Variants in HNRNPDL observed in about 807,000 individuals in gnomAD.
HNRNPDL encodes heterogeneous nuclear ribonucleoprotein D-like.
In HNRNPDL, 18 loss-of-function variants were observed where a neutral mutation model predicts 48.0. The observed-to-expected ratio is 0.38, with a 90% CI of 0.26 to 0.56. The LOEUF (loss-of-function observed/expected upper bound fraction) is 0.56. Among genes scored for constraint, HNRNPDL ranks in the 20% least tolerant of loss-of-function variants. HNRNPDL has a pLI of 0.77. For missense variants in HNRNPDL, 553 were observed against 540.7 expected, an observed-to-expected ratio of 1.02 and a Z score of -0.23; for synonymous variants, 306 against 207.3, an observed-to-expected ratio of 1.48 and a Z score of -4.09.
Position 82,426,502 on chromosome 4 carries a change from C to T in HNRNPDL, c.1153G>A (p.Gly385Arg). ...GGYDYTGYNY[G>R]NYGYGQGYAD... The stretch of plus-strand genomic sequence containing the variant: ...TATCCCTGTCCATATCCATAGTTCC[C>T]ATAGTTATACCCAGTATAATCATAT... The change falls in exon 6 of 8, where the codon GGG becomes AGG. Residue 385 changes from glycine to arginine, a missense_variant. By Grantham distance (125) the Gly-to-Arg change is moderately radical. Around this residue, in one of 4 missense-constraint regions of HNRNPDL, gnomAD observed 174 missense variants for 204.6 expected, o/e 0.85. Coordinates refer to ENST00000295470, the MANE Select transcript of HNRNPDL (RefSeq NM_031372.4). 1 of 1,612,760 alleles carries T rather than the reference C, an allele frequency of 6.2e-7. No homozygotes were observed. Among genetic ancestry groups the T allele is most frequent in the Non-Finnish European group, 8.5e-7 (1 of 1,178,934 alleles).
At chr4:82,429,178 G>A (rs1578085982) in intron 1 of HNRNPDL, 70 bp downstream of exon 1, 1 of 1,397,640 alleles carries the variant, frequency 7.2e-7, no homozygotes, top group Admixed American at 1.7e-5. Context: ...GGCAGCGCGC[G>A]GCTCACGAGG....
chr4:82,426,484 G>C lies in HNRNPDL; in HGVS notation c.1171C>G (p.Gln391Glu). Residue 391 changes from glutamine (Q) to glutamate (E), a missense_variant, in exon 6 of 8, where the codon CAG becomes GAG. By Grantham distance (29) the Gln-to-Glu change is conservative (BLOSUM62 2). Coordinates refer to ENST00000295470, the MANE Select transcript of HNRNPDL (RefSeq NM_031372.4). Reference protein sequence around the residue: ...GYNYGNYGYGQGYADYSGQQS... With the variant: ...GYNYGNYGYGEGYADYSGQQS... ...TTACCACTGTAGTCTGCATATCCCT[G>C]TCCATATCCATAGTTCCCATAGTTA... The C allele has an allele frequency of 6.2e-7, 1 of 1,611,964 alleles. No homozygotes were observed. Among genetic ancestry groups the C allele is most frequent in the South Asian group, 1.1e-5 (1 of 91,032 alleles).
Position 82,429,635 on chromosome 4 carries a change from GGAGC to G in HNRNPDL, c.52_55del (p.Ala18ProfsTer4). ...GAGGCTGCGGGAGGCTAAAGTAGCG[GGAGC>G]GGAGGGGAACAATGGCGGCGGCACA... On this transcript the variant is annotated frameshift_variant, in exon 1 of 8. Transcript: ENST00000295470. LOFTEE classifies it high-confidence loss of function. 2 of 1,373,200 alleles carry G rather than the reference GGAGC, an allele frequency of 1.5e-6. No individual in the cohort carries two copies. The highest frequency in any genetic ancestry group is 3.5e-5 in the South Asian group (2 of 56,978). 85.1% of individuals were successfully genotyped at this position (1,373,200 alleles called of 1,614,324 possible). A position where few individuals can be genotyped will look rare whatever the true frequency, so the allele number is the denominator to read the frequency against.
chr4:82,429,543 C>A lies in HNRNPDL; in HGVS notation c.148G>T (p.Ala50Ser). The A allele has an allele frequency of 6.8e-7, 1 of 1,474,980 alleles. No homozygotes were observed. Among genetic ancestry groups the A allele is most frequent in the Non-Finnish European group, 9.0e-7 (1 of 1,116,418 alleles). 91.4% of individuals were successfully genotyped at this position (1,474,980 alleles called of 1,614,324 possible). ...PLLPSLAPSS[A>S]RQGARRAQRH... ...TGGGCCCGGCGCGCCCCCTGCCGGG[C>A]GGAGCTGGGAGCGAGCGAAGGGAGG... is the stretch of plus-strand genomic sequence containing the variant. Residue 50 changes from alanine (A) to serine (S), a missense_variant, in exon 1 of 8, where the codon GCC becomes TCC. By Grantham distance (99) the Ala-to-Ser change is moderately conservative (BLOSUM62 1). Transcript: ENST00000295470.
At position 82,429,590 on chromosome 4, in the gene HNRNPDL, G is replaced by T; in HGVS notation, c.101C>A (p.Pro34Gln). Residue 34 changes from proline to glutamine, a missense_variant, in exon 1 of 8, where the codon CCG (proline) becomes CAG (glutamine). Physicochemically the swap from Pro to Gln is moderately conservative, Grantham distance 76. Coordinates refer to ENST00000295470, the MANE Select transcript of HNRNPDL (RefSeq NM_031372.4). ...SRSLSHWRPR[P>Q]PRQLAPLLPS... is the part of the protein sequence containing the mutation. Reference sequence around the variant, plus strand: ...GAGGAGCGGGGCTAGCTGCCGCGGCGGCCGCGGCCGCCAATGGGAGAGGCT... The same window carrying T: ...GAGGAGCGGGGCTAGCTGCCGCGGCTGCCGCGGCCGCCAATGGGAGAGGCT... 1 of 1,378,284 alleles carries T rather than the reference G, an allele frequency of 7.3e-7. No individual in the cohort carries two copies. Among genetic ancestry groups the T allele is most frequent in the Non-Finnish European group, 9.3e-7 (1 of 1,070,176 alleles). 85.4% of individuals were successfully genotyped at this position (1,378,284 alleles called of 1,614,324 possible).
At position 82,425,205 on chromosome 4, in the gene HNRNPDL, A is replaced by G. The variant is rs910080090; in HGVS notation, c.*23-322T>C. On this transcript the variant is annotated intron_variant, in intron 7 of 7. Transcript: ENST00000295470. ...ATGCTATCACAAACACCAATTTCTAATAAGTTTATTACAAGAACATAAATT... is the reference window on the plus strand; with the variant it reads ...ATGCTATCACAAACACCAATTTCTAGTAAGTTTATTACAAGAACATAAATT... 7 of 152,340 alleles carry G rather than the reference A, an allele frequency of 4.6e-5. No individual in the cohort carries two copies. In the East Asian group the frequency reaches 7.7e-4, roughly 17 times the overall value. The allele number at this position is 152,340 out of a possible 1,614,324, so 9.4% of individuals were successfully genotyped here. A position where few individuals can be genotyped will look rare whatever the true frequency, so the allele number is the denominator to read the frequency against.
In HNRNPDL at chr4:82,429,614, C is replaced by T; in HGVS notation, c.77G>A (p.Ser26Asn). 7.3e-7 allele frequency: 1 copy of T among 1,377,686 alleles called. No homozygotes were observed. Among genetic ancestry groups the T allele is most frequent in the Non-Finnish European group, 9.4e-7 (1 of 1,068,068 alleles). 85.3% of individuals were successfully genotyped at this position (1,377,686 alleles called of 1,614,324 possible). A position where few individuals can be genotyped will look rare whatever the true frequency, so the allele number is the denominator to read the frequency against. The change falls in exon 1 of 8, where the codon AGC becomes AAC. Residue 26 changes from serine (S) to asparagine (N), a missense_variant. Ser to Asn is a conservative substitution (Grantham distance 46). This residue lies in a region of HNRNPDL where 327 missense variants were observed against 203.2 expected (regional missense o/e 1.61). Coordinates refer to ENST00000295470, the MANE Select transcript of HNRNPDL (RefSeq NM_031372.4). Reference sequence around the variant, plus strand: ...CGGCCGCGGCCGCCAATGGGAGAGGCTGCGGGAGGCTAAAGTAGCGGGAGC... The same window carrying T: ...CGGCCGCGGCCGCCAATGGGAGAGGTTGCGGGAGGCTAAAGTAGCGGGAGC... ...PSAPATLASR[S>N]LSHWRPRPPR...
At position 82,429,460 on chromosome 4, in the gene HNRNPDL, T is replaced by C; in HGVS notation, c.231A>G (p.Gly77=). 2.5e-6 allele frequency: 4 copies of C among 1,601,182 alleles called. No homozygotes were observed. The highest frequency in any genetic ancestry group is 3.4e-6 in the Non-Finnish European group (4 of 1,174,056). Residue 77 remains glycine, a synonymous_variant, in exon 1 of 8, where the codon GGA becomes GGG. Coordinates refer to ENST00000295470, the MANE Select transcript of HNRNPDL (RefSeq NM_031372.4). ...AGAGATCCGGGCGCCGCCTGCGCCC[T>C]CCCTTTATAGCCGCCCCGCCCGCCA... is the stretch of plus-strand genomic sequence containing the variant. ...SRLAGGAAIK[G]GRRRRPDLFR...
In HNRNPDL at chr4:82,428,338, G is replaced by A. The variant is rs757774444; in HGVS notation, c.552C>T (p.Val184=). 3.7e-6 allele frequency: 6 copies of A among 1,613,828 alleles called. No homozygotes were observed. Among genetic ancestry groups the A allele is most frequent in the Non-Finnish European group, 5.1e-6 (6 of 1,179,866 alleles). ...ATCCAAATCCTCTTGATCTCCCAGT[G>A]ACTGGATCTGTTTTAATTGTGCAGT... ...VVDCTIKTDP[V]TGRSRGFGFV... is the part of the protein sequence containing the mutation. The change falls in exon 2 of 8, where the codon GTC becomes GTT. Residue 184 remains valine (V), a synonymous_variant. Transcript: ENST00000295470.
chr4:82,426,207 C>T, intron 6 of HNRNPDL, 78 bp from the exon 7 acceptor site: 2 of 1,240,708 alleles, frequency 1.6e-6, no homozygotes, highest in Non-Finnish European at 2.4e-6. Flanking sequence ...ATTAAATCTA[C>T]AAATCTTTGC....
In HNRNPDL at chr4:82,423,722, C is replaced by G. The variant is rs1320528828; in HGVS notation, c.*1184G>C. On this transcript the variant is annotated 3_prime_UTR_variant, in exon 8 of 8. Coordinates refer to ENST00000295470, the MANE Select transcript of HNRNPDL (RefSeq NM_031372.4). ...TTTATTATTCCAGGTCCTCTGAAAC[C>G]TGGATATAAAACGGATTCTTTTCAA... The G allele has an allele frequency of 6.6e-6, 1 of 152,166 alleles. No homozygotes were observed. Among genetic ancestry groups the G allele is most frequent in the Non-Finnish European group, 1.5e-5 (1 of 68,034 alleles). 9.4% of individuals were successfully genotyped at this position (152,166 alleles called of 1,614,324 possible).
chr4:82,424,608 T>C lies in HNRNPDL; in HGVS notation c.*298A>G, dbSNP rs1470232397. 1.3e-5 allele frequency: 2 copies of C among 152,794 alleles called. No homozygotes were observed. Among genetic ancestry groups the C allele is most frequent in the East Asian group, 3.9e-4 (2 of 5,192 alleles). 9.5% of individuals were successfully genotyped at this position (152,794 alleles called of 1,614,324 possible). A position where few individuals can be genotyped will look rare whatever the true frequency, so the allele number is the denominator to read the frequency against. ...TTACATTTTTTACAGAGCTATGTAGTACCTGACGCAGAAAAGCAATCACAT... is the reference window on the plus strand; with the variant it reads ...TTACATTTTTTACAGAGCTATGTAGCACCTGACGCAGAAAAGCAATCACAT... On this transcript the variant is annotated 3_prime_UTR_variant, in exon 8 of 8. Transcript: ENST00000295470.
At position 82,428,404 on chromosome 4, in the gene HNRNPDL, T is replaced by C; in HGVS notation, c.486A>G (p.Lys162=). 6.2e-7 allele frequency: 1 copy of C among 1,612,244 alleles called. No individual in the cohort carries two copies. The highest frequency in any genetic ancestry group is 8.5e-7 in the Non-Finnish European group (1 of 1,178,484). Residue 162 remains lysine, a synonymous_variant, in exon 2 of 8, where the codon AAA becomes AAG. Coordinates refer to ENST00000295470, the MANE Select transcript of HNRNPDL (RefSeq NM_031372.4). The part of the protein sequence containing the change: ...IGGLSWDTSK[K]DLTEYLSRFG... ...ATCGAGACAAGTACTCTGTCAGATC[T>C]TTTTTGCTTGTATCCCAGCTCAAGC...
chr4:82,425,188 A>G lies in HNRNPDL; in HGVS notation c.*23-305T>C, dbSNP rs539661739. The G allele has an allele frequency of 5.9e-5, 9 of 152,352 alleles. No homozygotes were observed. In the South Asian group the frequency reaches 1.7e-3, roughly 28 times the overall value. 9.4% of individuals were successfully genotyped at this position (152,352 alleles called of 1,614,324 possible). On this transcript the variant is annotated intron_variant, in intron 7 of 7. Transcript: ENST00000295470. ...CTAGTAACCCAAGTAAAATGCTATC[A>G]CAAACACCAATTTCTAATAAGTTTA... is the stretch of plus-strand genomic sequence containing the variant.
rs1037592355 is a variant in HNRNPDL, at chr4:82,429,403, T to C, written c.288A>G (p.Gln96=). The C allele has an allele frequency of 1.9e-6, 3 of 1,612,778 alleles. No individual in the cohort carries two copies. Among genetic ancestry groups the C allele is most frequent in the Non-Finnish European group, 2.5e-6 (3 of 1,179,638 alleles). The stretch of plus-strand genomic sequence containing the variant: ...TCGCGGCAGCAGCGGCGGCGGAGCG[T>C]TGTATGGAGCTGGATTTAAAATGGC... ...FRRHFKSSSI[Q]RSAAAAAATR... is the part of the protein sequence containing the mutation. The change falls in exon 1 of 8, where the codon CAA becomes CAG. Residue 96 remains glutamine, a synonymous_variant. Transcript: ENST00000295470.
intron 1 of HNRNPDL, 23 bp downstream of exon 1, chr4:82,429,225 G>C: frequency 2.5e-6 from 4 of 1,608,526 alleles, no homozygotes; most frequent in Non-Finnish European, 3.4e-6. Context: ...GGGAGGGGGA[G>C]CGGGGGAAGA....
chr4:82,425,172 C>G (rs1214762019), intron 7 of HNRNPDL: 1 of 152,130 alleles, frequency 6.6e-6, no homozygotes, highest in African/African-American at 2.4e-5. Context: ...TCTAGTAACC[C>G]AAGTAAAATG....
At chr4:82,426,719 C>A (rs1721426790) in intron 5 of HNRNPDL, 86 bp from the exon 6 acceptor site, 1 of 1,134,510 alleles carries the variant, frequency 8.8e-7, no homozygotes, top group Non-Finnish European at 1.3e-6. Context: ...TCTCACTCTG[C>A]AAATCTTAAA....
Position 82,428,168 on chromosome 4 carries a change from C to T in HNRNPDL, c.624G>A (p.Leu208=). 1 of 1,614,020 alleles carries T rather than the reference C, an allele frequency of 6.2e-7. No individual in the cohort carries two copies. ...DAASVDKVLE[L]KEHKLDGKLI... is the part of the protein sequence containing the mutation. ...ATTTGCCATCCAGTTTGTGTTCTTTCAGTTCCAAAACCTACAAGACAGATT... is the reference window on the plus strand; with the variant it reads ...ATTTGCCATCCAGTTTGTGTTCTTTTAGTTCCAAAACCTACAAGACAGATT... The change falls in exon 3 of 8, where the codon CTG becomes CTA. Residue 208 remains leucine, a synonymous_variant. Coordinates refer to ENST00000295470, the MANE Select transcript of HNRNPDL (RefSeq NM_031372.4).
Sources: allele counts gnomAD v4.1 joint callset, GRCh38; gene constraint gnomAD v4.1.1; regional missense constraint gnomAD v4.1.1; transcripts MANE v1.5; gene names NCBI Gene and HGNC (gene_info 2026-07-23, HGNC 2026-07-21).